TPM1: variants seen among roughly 807,000 people sequenced by gnomAD.
The protein encoded by TPM1 is tropomyosin alpha-1 chain.
Under a neutral mutation model 42.9 loss-of-function variants are expected in TPM1, and 24 were observed. That is an observed-to-expected ratio of 0.56 (90% CI 0.41 to 0.79). TPM1 has a LOEUF of 0.79. TPM1 is among the 30% of genes least tolerant of loss of function. TPM1 has a pLI of 0.00. For missense variants in TPM1, 158 were observed against 351.8 expected, an observed-to-expected ratio of 0.45 and a Z score of 4.41; for synonymous variants, 136 against 130.1, an observed-to-expected ratio of 1.05 and a Z score of -0.31.
At chr15:63,047,199 A>T (rs550990359) in intron 2 of TPM1, 2 of 152,450 alleles carry the variant, frequency 1.3e-5, no homozygotes, top group African/African-American at 4.8e-5. Context: ...GGATGCAAGG[A>T]CCCAAGCTGG....
chr15:63,061,347 C>A, intron 5 of TPM1: 2 of 1,443,758 alleles, frequency 1.4e-6, no homozygotes, highest in South Asian at 1.2e-5. Context: ...CCTCCTGGTT[C>A]GTTTGGTATA....
intron 4 of TPM1, 98 bp downstream of exon 4, chr15:63,059,778 G>A: frequency 5.9e-6 from 5 of 844,206 alleles, no homozygotes; most frequent in Non-Finnish European, 7.9e-6. Context: ...GAGGCCATCT[G>A]CTTTGTTGGC....
intron 6 of TPM1, 108 bp from the exon 7 acceptor site, chr15:63,062,107 C>A: frequency 1.0e-6 from 1 of 988,576 alleles, no homozygotes; most frequent in Non-Finnish European, 1.6e-6. Flanking sequence ...CCATTACCTC[C>A]TAAGAGATCC....
intron 1 of TPM1, 114 bp downstream of exon 1, chr15:63,043,057 C>A: frequency 1.1e-6 from 1 of 917,804 alleles, no homozygotes; most frequent in South Asian, 1.5e-5. Flanking sequence ...ACCCCCACCA[C>A]CACCCAGGGC....
chr15:63,048,631 AGCAGGCGGACGCC>A, intron 2 of TPM1: 2 of 1,536,938 alleles, frequency 1.3e-6, no homozygotes, highest in Non-Finnish European at 1.8e-6. Flanking sequence ...AGCCTGCAGG[AGCAGGCGGACGCC>A]GCTGAGGAGC....
chr15:63,065,529 G>T, intron 9 of TPM1: 4 of 985,252 alleles, frequency 4.1e-6, no homozygotes, highest in Non-Finnish European at 4.8e-6. Context: ...TGTAAATGAG[G>T]GGGTGGAGCA....
chr15:63,058,171 G>A (rs371603163), intron 3 of TPM1, among the ~76,000 whole-genome samples: 106 of 152,268 alleles, frequency 7.0e-4, no homozygotes, highest in East Asian at 6.6e-3. Context: ...TACAGTGTAC[G>A]CATAAGAGCA....
rs567007157 is a variant in TPM1, at chr15:63,042,777, G to T, written c.-53G>T. 38 of 1,510,896 alleles carry T rather than the reference G, an allele frequency of 2.5e-5. No homozygotes were observed. The African/African-American group carries it at 5.1e-4, about 20-fold the overall frequency. The allele number at this position is 1,510,896 out of a possible 1,614,324, so 93.6% of individuals were successfully genotyped here. On this transcript the variant is annotated 5_prime_UTR_variant, in exon 1 of 10. Coordinates refer to ENST00000403994, the MANE Select transcript of TPM1 (RefSeq NM_001018005.2). ...CACTCCCGCTCCTCCGCCCGACCGC[G>T]CGCTCGCCCCGCCGCTCCTGCTGCA...
At chr15:63,043,637 C>G (rs1433933892) in intron 1 of TPM1, 1 of 1,534,018 alleles carries the variant, frequency 6.5e-7, no homozygotes, top group African/African-American at 1.4e-5. Context: ...CAACCCGACG[C>G]CCGTGTGTTG....
intron 2 of TPM1, among the ~76,000 whole-genome samples, chr15:63,051,142 G>C (rs529211910): frequency 1.3e-5 from 2 of 152,280 alleles, no homozygotes; most frequent in Non-Finnish European, 2.9e-5. Flanking sequence ...AAAAAGGCAG[G>C]ATGAATCTTC....
intron 2 of TPM1, chr15:63,049,422 T>C (rs2033355758): frequency 6.6e-6 from 1 of 152,318 alleles, no homozygotes; most frequent in Non-Finnish European, 1.5e-5. Flanking sequence ...TGTATTCTCT[T>C]GCGGGCTTCC....
chr15:63,061,006 C>G, intron 5 of TPM1, 67 bp downstream of exon 5: 1 of 1,581,538 alleles, frequency 6.3e-7, no homozygotes, highest in East Asian at 2.2e-5. Context: ...ACAGCATGAC[C>G]TTCTGGCAGC....
intron 9 of TPM1, chr15:63,064,377 T>C: frequency 7.2e-7 from 1 of 1,392,890 alleles, no homozygotes; most frequent in Non-Finnish European, 9.3e-7. Flanking sequence ...TTGTAAACGC[T>C]GAACTAGAGC....
intron 1 of TPM1, chr15:63,043,430 G>C (rs564308810): frequency 3.8e-5 from 25 of 649,924 alleles, no homozygotes; most frequent in Non-Finnish European, 6.8e-5. Flanking sequence ...CAGCCCGAAA[G>C]CCAGGCCAGC....
chr15:63,064,930 G>T (rs868277511), intron 9 of TPM1: 5 of 917,044 alleles, frequency 5.5e-6, no homozygotes, highest in African/African-American at 5.4e-5. Flanking sequence ...TCGCACCACC[G>T]CACTCCAGCC....
At chr15:63,062,763 TC>T in intron 8 of TPM1, 118 bp downstream of exon 8, 2 of 1,572,302 alleles carry the variant, frequency 1.3e-6, no homozygotes, top group Non-Finnish European at 1.7e-6. Context: ...TGCACATTCT[TC>T]CTGTGTGTCC....
intron 8 of TPM1, 103 bp from the exon 9 acceptor site, chr15:63,063,961 T>A: frequency 6.6e-7 from 1 of 1,517,332 alleles, no homozygotes; most frequent in Non-Finnish European, 8.9e-7. Context: ...TGCCCTTTTC[T>A]TGCTGCTGTG....
At chr15:63,060,960 G>A (rs1241104140) in intron 5 of TPM1, 21 bp downstream of exon 5, 1 of 1,613,526 alleles carries the variant, frequency 6.2e-7, no homozygotes, top group African/African-American at 1.3e-5. Flanking sequence ...CCGGCGCCAG[G>A]AGGCCACGAA....
chr15:63,044,284 C>T, intron 2 of TPM1, 132 bp downstream of exon 2: 2 of 1,362,862 alleles, frequency 1.5e-6, no homozygotes, highest in East Asian at 2.4e-5. Flanking sequence ...CTGCCATGGC[C>T]CAGAGCATTG....
Sources: gnomAD v4.1 joint callset for allele counts (sites outside exome capture counted in the v4.1 genomes callset) on GRCh38, gnomAD v4.1.1 for gene constraint, MANE v1.5 for transcripts, NCBI Gene and HGNC (gene_info 2026-07-23, HGNC 2026-07-21) for gene names.